Variants in CACYBP observed in about 807,000 individuals in gnomAD.
CACYBP encodes the protein calcyclin binding protein, also known as calcyclin-binding protein.
A neutral mutation model predicts 29.6 loss-of-function variants in CACYBP; 11 were observed. The observed-to-expected ratio is 0.37, with a 90% CI of 0.23 to 0.61. CACYBP has a LOEUF of 0.61. Ranked by LOEUF, CACYBP falls within the 20% of genes least tolerant of loss-of-function variation. CACYBP has a pLI of 0.65. For missense variants in CACYBP, 163 were observed against 260.7 expected (o/e 0.63, Z 2.58); for synonymous variants, 73 against 88.3 (o/e 0.83, Z 0.97).
Position 175,000,084 on chromosome 1 carries a change from G to C in CACYBP, c.-97G>C. The stretch of plus-strand genomic sequence containing the variant: ...AGGCTGCAGCGCCGCGACTCGTGCG[G>C]GTAGGCGTCTGCGCTCGGTTTGAGG... On this transcript the variant is annotated 5_prime_UTR_variant, in exon 1 of 6. Coordinates refer to ENST00000367679, the MANE Select transcript of CACYBP (RefSeq NM_014412.3). 1 of 1,496,694 alleles carries C rather than the reference G, an allele frequency of 6.7e-7. No individual in the cohort carries two copies. 92.7% of individuals were successfully genotyped at this position (1,496,694 alleles called of 1,614,324 possible).
intron 5 of CACYBP, among the ~76,000 whole-genome samples, chr1:175,009,086 TAAAA>T (rs1021248104): frequency 3.7e-4 from 57 of 152,208 alleles, no homozygotes; most frequent in African/African-American, 1.4e-3. Context: ...AATGACCTTT[TAAAA>T]ATGTGTATTC....
intron 5 of CACYBP, among the ~76,000 whole-genome samples, chr1:175,009,538 C>T (rs1454204137): frequency 2.7e-5 from 4 of 149,390 alleles, no homozygotes; most frequent in Admixed American, 6.8e-5. Flanking sequence ...CCCAGCTACT[C>T]GGGAGGCTGA....
chr1:175,009,058 AT>A (rs1365423151), intron 5 of CACYBP, among the ~76,000 whole-genome samples: 1 of 152,206 alleles, frequency 6.6e-6, no homozygotes, highest in Non-Finnish European at 1.5e-5. Flanking sequence ...AAGATAAAAT[AT>A]TTTTATCCTT....
At chr1:175,000,225 C>T (rs749747035) in intron 1 of CACYBP, 30 bp downstream of exon 1, 13 of 1,592,146 alleles carry the variant, frequency 8.2e-6, no homozygotes, top group Middle Eastern at 1.7e-4. Context: ...ATTCCTTATG[C>T]CCCCCGGCTG....
At position 175,004,618 on chromosome 1, in the gene CACYBP, A is replaced by G; in HGVS notation, c.20A>G (p.Gln7Arg). The G allele has an allele frequency of 6.3e-7, 1 of 1,581,872 alleles. No homozygotes were observed. The highest frequency in any genetic ancestry group is 8.6e-7 in the Non-Finnish European group (1 of 1,166,368). The change falls in exon 2 of 6, where the codon CAG (glutamine) becomes CGG (arginine). Residue 7 changes from glutamine to arginine, a missense_variant. Coordinates refer to ENST00000367679, the MANE Select transcript of CACYBP (RefSeq NM_014412.3). MASEELQKDLEEVKVLL... is the reference protein window; with the variant it reads MASEELRKDLEEVKVLL... ...TTATTTTTTGTCTTAACACAGCTAC[A>G]GAAAGATCTAGAAGAGGTAAAGGTG...
In CACYBP at chr1:175,011,693, C is replaced by G. The variant is rs1395934997; in HGVS notation, c.*1614C>G. 6.6e-6 allele frequency: 1 copy of G among 152,170 alleles called. No homozygotes were observed. Among genetic ancestry groups the G allele is most frequent in the Non-Finnish European group, 1.5e-5 (1 of 68,032 alleles). 9.4% of individuals were successfully genotyped at this position (152,170 alleles called of 1,614,324 possible). ...CTCACCTTGTTCAGAAGAGAATAAA[C>G]CAGTGTTTTTACCTTTCACTTGAAA... On this transcript the variant is annotated 3_prime_UTR_variant, in exon 6 of 6. Coordinates refer to ENST00000367679, the MANE Select transcript of CACYBP (RefSeq NM_014412.3).
In CACYBP at chr1:175,010,245, T is replaced by A. The variant is rs866709557; in HGVS notation, c.*166T>A. The A allele has an allele frequency of 1.1e-4, 60 of 562,910 alleles. No homozygotes were observed. In the Middle Eastern group the frequency reaches 1.8e-3, roughly 17 times the overall value. The allele number at this position is 562,910 out of a possible 1,614,324, so 34.9% of individuals were successfully genotyped here. On this transcript the variant is annotated 3_prime_UTR_variant, in exon 6 of 6. Transcript: ENST00000367679. ...TTTCCTACTGGAGGATTTATTTAAA[T>A]AAAATATGCTTATTAAACACTCCTG...
At chr1:175,004,510 CTTAATTCTTAGTGCTTATTTCAG>C (rs1672567565) in intron 1 of CACYBP, 81 bp from the exon 2 acceptor site, 1 of 683,748 alleles carries the variant, frequency 1.5e-6, no homozygotes, top group Non-Finnish European at 2.4e-6. Flanking sequence ...AGATGAACTT[CTTAATTCTTAGTGCTTATTTCAG>C]TAAGTTGAAA....
Position 174,999,963 on chromosome 1 carries a change from T to C in CACYBP, c.-218T>C. The C allele has an allele frequency of 3.1e-6, 2 of 635,884 alleles. No individual in the cohort carries two copies. Among genetic ancestry groups the C allele is most frequent in the Non-Finnish European group, 5.3e-6 (2 of 377,946 alleles). 39.4% of individuals were successfully genotyped at this position (635,884 alleles called of 1,614,324 possible). A position where few individuals can be genotyped will look rare whatever the true frequency, so the allele number is the denominator to read the frequency against. ...GCCAGGCTTGGCGGGCTGTGCGTGC[T>C]CGCGGTGGGCGGTGGCGGCGGCTGC... On this transcript the variant is annotated 5_prime_UTR_variant, in exon 1 of 6. Coordinates refer to ENST00000367679, the MANE Select transcript of CACYBP (RefSeq NM_014412.3).
At chr1:174,999,802 C>T (rs1028247144), upstream of CACYBP, 5 of 389,076 alleles carry the variant, frequency 1.3e-5, no homozygotes, top group African/African-American at 4.4e-5. Flanking sequence ...GAGAGCAAGA[C>T]ATTACTCTTC....
In CACYBP at chr1:175,010,580, T is replaced by C. The variant is rs1283944774; in HGVS notation, c.*501T>C. ...GCAATGTATATGCCATGCATTACCA[T>C]GCACTAATTCAATCACAGGTGTTTC... On this transcript the variant is annotated 3_prime_UTR_variant, in exon 6 of 6. Transcript: ENST00000367679. 5 of 152,306 alleles carry C rather than the reference T, an allele frequency of 3.3e-5. No homozygotes were observed. The highest frequency in any genetic ancestry group is 1.2e-4 in the African/African-American group (5 of 41,456). 9.4% of individuals were successfully genotyped at this position (152,306 alleles called of 1,614,324 possible). A position where few individuals can be genotyped will look rare whatever the true frequency, so the allele number is the denominator to read the frequency against.
chr1:175,006,886 C>G, intron 3 of CACYBP, 45 bp downstream of exon 3: 1 of 1,077,106 alleles, frequency 9.3e-7, no homozygotes, highest in Non-Finnish European at 1.4e-6. Flanking sequence ...TAACAGTCAA[C>G]ATTGCCTTAT....
intron 1 of CACYBP, 146 bp downstream of exon 1, chr1:175,000,341 C>T: frequency 3.5e-6 from 5 of 1,444,876 alleles, no homozygotes; most frequent in Non-Finnish European, 2.7e-6. Context: ...CGGGGGACAC[C>T]TCACTCGCCC....
chr1:175,009,870 G>T, intron 5 of CACYBP, 53 bp from the exon 6 acceptor site: 1 of 1,421,802 alleles, frequency 7.0e-7, no homozygotes, highest in Non-Finnish European at 9.7e-7. Flanking sequence ...CTGAATGATA[G>T]TATCTTCCGG....
At position 175,000,156 on chromosome 1, in the gene CACYBP, G is replaced by A. The variant is rs1369258104; in HGVS notation, c.-25G>A. Reference sequence around the variant, plus strand: ...TCCTCCTTCTGCGCGGCTGCAGCTCGGGACTTCGGCCTGACCCAGCCCCCA... The same window carrying A: ...TCCTCCTTCTGCGCGGCTGCAGCTCAGGACTTCGGCCTGACCCAGCCCCCA... On this transcript the variant is annotated 5_prime_UTR_variant, in exon 1 of 6. Coordinates refer to ENST00000367679, the MANE Select transcript of CACYBP (RefSeq NM_014412.3). The A allele has an allele frequency of 6.2e-7, 1 of 1,602,934 alleles. No homozygotes were observed. Among genetic ancestry groups the A allele is most frequent in the South Asian group, 1.1e-5 (1 of 89,332 alleles).
chr1:175,004,438 G>C (rs1414357878), intron 1 of CACYBP, among the ~76,000 whole-genome samples, 176 bp from the exon 2 acceptor site: 1 of 152,186 alleles, frequency 6.6e-6, no homozygotes, highest in Non-Finnish European at 1.5e-5. Context: ...GGAAGCTTGA[G>C]TTAATTACAG....
Position 174,999,952 on chromosome 1 carries a change from G to A in CACYBP, c.-229G>A, listed in dbSNP as rs1672419487. On this transcript the variant is annotated 5_prime_UTR_variant, in exon 1 of 6. Coordinates refer to ENST00000367679, the MANE Select transcript of CACYBP (RefSeq NM_014412.3). ...GGGTGGGTGGAGCCAGGCTTGGCGG[G>A]CTGTGCGTGCTCGCGGTGGGCGGTG... 1 of 600,380 alleles carries A rather than the reference G, an allele frequency of 1.7e-6. No individual in the cohort carries two copies. Among genetic ancestry groups the A allele is most frequent in the South Asian group, 2.0e-5 (1 of 49,998 alleles). The allele number at this position is 600,380 out of a possible 1,614,324, so 37.2% of individuals were successfully genotyped here.
intron 1 of CACYBP, among the ~76,000 whole-genome samples, chr1:175,003,620 A>T (rs1672548316): frequency 6.6e-6 from 1 of 152,206 alleles, no homozygotes; most frequent in Non-Finnish European, 1.5e-5. Flanking sequence ...AGACTTTTTT[A>T]AATTGAGCTT....
In CACYBP at chr1:175,010,814, G is replaced by GATTT. The variant is rs1202120481; in HGVS notation, c.*740_*743dup. ...TTTTTCTTCATTAGAACAGTTTTAT[G>GATTT]ATTTATTTGTCTAGGAGTATGTCAG... On this transcript the variant is annotated 3_prime_UTR_variant, in exon 6 of 6. Transcript: ENST00000367679. 2.0e-5 allele frequency: 3 copies of GATTT among 152,152 alleles called. No homozygotes were observed. Among genetic ancestry groups the GATTT allele is most frequent in the Non-Finnish European group, 4.4e-5 (3 of 68,022 alleles). 9.4% of individuals were successfully genotyped at this position (152,152 alleles called of 1,614,324 possible). A position where few individuals can be genotyped will look rare whatever the true frequency, so the allele number is the denominator to read the frequency against.
Sources: gnomAD v4.1 joint callset for allele counts (sites outside exome capture counted in the v4.1 genomes callset) on GRCh38, gnomAD v4.1.1 for gene constraint, MANE v1.5 for transcripts, NCBI Gene and HGNC (gene_info 2026-07-23, HGNC 2026-07-21) for gene names.